Variants in NEMP1 observed in about 807,000 individuals in gnomAD.
NEMP1 encodes the protein transmembrane protein 194.
In NEMP1, 29 loss-of-function variants were observed where a neutral mutation model predicts 53.7. The ratio of observed to expected loss-of-function variants is 0.54; its 90% CI spans 0.40 to 0.74. The LOEUF is 0.74. Among genes scored for constraint, NEMP1 ranks in the 30% least tolerant of loss-of-function variants. The pLI is 0.00. For synonymous variants in NEMP1, 193 were observed against 192.9 expected (o/e 1.00, Z 0.00); for missense variants, 477 against 528.6 (o/e 0.90, Z 0.96).
intron 1 of NEMP1, among the ~76,000 whole-genome samples, chr12:57,084,024 G>A (rs1300492238): frequency 3.3e-5 from 5 of 151,568 alleles, no homozygotes; most frequent in Non-Finnish European, 5.9e-5. Context: ...GTGCGATGGC[G>A]CGATCTCGGC....
chr12:57,086,452 A>G (rs889961230), intron 1 of NEMP1, among the ~76,000 whole-genome samples: 3 of 152,180 alleles, frequency 2.0e-5, no homozygotes, highest in Non-Finnish European at 4.4e-5. Flanking sequence ...CCAAGGGGAC[A>G]CAGGGGAGAA....
intron 1 of NEMP1, among the ~76,000 whole-genome samples, chr12:57,077,764 A>G (rs2032701565): frequency 1.3e-5 from 2 of 152,116 alleles, no homozygotes; most frequent in Non-Finnish European, 2.9e-5. Flanking sequence ...ACTTAATTGT[A>G]CCTTGCCAAA....
In NEMP1 at chr12:57,058,832, A is replaced by G. The variant is rs2031655467; in HGVS notation, c.*1047T>C. On this transcript the variant is annotated 3_prime_UTR_variant, in exon 9 of 9. Coordinates refer to ENST00000300128, the MANE Select transcript of NEMP1 (RefSeq NM_001130963.2). ...AGAAAAGGCTGAAAGGAATGGACAG[A>G]GCATGTAGACAAAGGAAGGGAAAGG... 2.6e-5 allele frequency: 4 copies of G among 152,250 alleles called. No individual in the cohort carries two copies. The South Asian group carries it at 8.3e-4, about 32-fold the overall frequency. The allele number at this position is 152,250 out of a possible 1,614,324, so 9.4% of individuals were successfully genotyped here. A position where few individuals can be genotyped will look rare whatever the true frequency, so the allele number is the denominator to read the frequency against.
chr12:57,080,680 C>A (rs1162019830), upstream of NEMP1, among the ~76,000 whole-genome samples: 1 of 151,606 alleles, frequency 6.6e-6, no homozygotes, highest in Non-Finnish European at 1.5e-5. Context: ...CACTTGAGGC[C>A]AGAAGTTCGA....
chr12:57,068,316 T>A (rs1468708201), intron 4 of NEMP1, among the ~76,000 whole-genome samples: 1 of 152,116 alleles, frequency 6.6e-6, no homozygotes, highest in Non-Finnish European at 1.5e-5. Context: ...CTGTCTTAAC[T>A]AGTAGGTTCC....
chr12:57,064,263 AT>A (rs947155137), intron 5 of NEMP1, 78 bp from the exon 6 acceptor site: 792 of 842,490 alleles, frequency 9.4e-4, no homozygotes, highest in South Asian at 1.0e-3. Context: ...TGGAACTATG[AT>A]TTTTTTTTTA....
rs1219501029 is a variant in NEMP1 at position 57,056,869 on chromosome 12, T to C, written c.*3010A>G. The C allele has an allele frequency of 1.3e-5, 2 of 152,140 alleles. No homozygotes were observed. Among genetic ancestry groups the C allele is most frequent in the African/African-American group, 2.4e-5 (1 of 41,424 alleles). 9.4% of individuals were successfully genotyped at this position (152,140 alleles called of 1,614,324 possible). A position where few individuals can be genotyped will look rare whatever the true frequency, so the allele number is the denominator to read the frequency against. Reference sequence around the variant, plus strand: ...GGCTGGGCCCTAGAATGGAATCTATTAGCATAAAATGGAACAGTGGGACCC... The same window carrying C: ...GGCTGGGCCCTAGAATGGAATCTATCAGCATAAAATGGAACAGTGGGACCC... On this transcript the variant is annotated 3_prime_UTR_variant, in exon 9 of 9. Coordinates refer to ENST00000300128, the MANE Select transcript of NEMP1 (RefSeq NM_001130963.2).
rs1234538310 is a variant in NEMP1, at chr12:57,058,880, T to G, written c.*999A>C. 1 of 152,196 alleles carries G rather than the reference T, an allele frequency of 6.6e-6. No homozygotes were observed. The highest frequency in any genetic ancestry group is 1.9e-4 in the East Asian group (1 of 5,202). The allele number at this position is 152,196 out of a possible 1,614,324, so 9.4% of individuals were successfully genotyped here. A position where few individuals can be genotyped will look rare whatever the true frequency, so the allele number is the denominator to read the frequency against. On this transcript the variant is annotated 3_prime_UTR_variant, in exon 9 of 9. Coordinates refer to ENST00000300128, the MANE Select transcript of NEMP1 (RefSeq NM_001130963.2). ...AGGAAAAGGAGACAGTTTCCTGATT[T>G]CATAGCAACTCAAAGATAACATGAC... is the stretch of plus-strand genomic sequence containing the variant.
At chr12:57,062,595 C>G (rs1159517068) in intron 7 of NEMP1, among the ~76,000 whole-genome samples, 1 of 152,026 alleles carries the variant, frequency 6.6e-6, no homozygotes, top group Non-Finnish European at 1.5e-5. Context: ...AATCCAAGCA[C>G]TTTGGGAGCT....
At chr12:57,072,129 C>T (rs1473146897) in intron 2 of NEMP1, among the ~76,000 whole-genome samples, 1 of 152,142 alleles carries the variant, frequency 6.6e-6, no homozygotes, top group African/African-American at 2.4e-5. Context: ...CCAAAGAAGG[C>T]ATAAGGCCTT....
At chr12:57,068,752 G>A (rs2032211206) in intron 4 of NEMP1, among the ~76,000 whole-genome samples, 1 of 152,168 alleles carries the variant, frequency 6.6e-6, no homozygotes, top group Non-Finnish European at 1.5e-5. Context: ...ATTTTCAGTA[G>A]AGATGGGGTT....
chr12:57,066,610 G>T (rs2032088902), intron 4 of NEMP1, among the ~76,000 whole-genome samples: 1 of 152,212 alleles, frequency 6.6e-6, no homozygotes, highest in Non-Finnish European at 1.5e-5. Context: ...GGAGGCCCAA[G>T]AAGAAGGGAG....
Position 57,057,992 on chromosome 12 carries a change from G to C in NEMP1, c.*1887C>G, listed in dbSNP as rs1252894744. The C allele has an allele frequency of 4.6e-5, 7 of 152,156 alleles. No individual in the cohort carries two copies. The highest frequency in any genetic ancestry group is 1.7e-4 in the African/African-American group (7 of 41,422). The allele number at this position is 152,156 out of a possible 1,614,324, so 9.4% of individuals were successfully genotyped here. ...ATAAGGTAAAAAATAGTATATTTCA[G>C]AAGTTTTAATAGTTCTTTGTAGAGA... On this transcript the variant is annotated 3_prime_UTR_variant, in exon 9 of 9. Coordinates refer to ENST00000300128, the MANE Select transcript of NEMP1 (RefSeq NM_001130963.2).
upstream of NEMP1, among the ~76,000 whole-genome samples, chr12:57,080,018 G>A (rs1283137170): frequency 6.6e-6 from 1 of 152,108 alleles, no homozygotes; most frequent in African/African-American, 2.4e-5. Flanking sequence ...GGAATGCAGT[G>A]GTGTAACCAC....
chr12:57,063,221 T>C lies in NEMP1; in HGVS notation c.878A>G (p.Tyr293Cys). 6.2e-7 allele frequency: 1 copy of C among 1,614,198 alleles called. No individual in the cohort carries two copies. The highest frequency in any genetic ancestry group is 1.3e-5 in the African/African-American group (1 of 75,062). The change falls in exon 7 of 9, where the codon TAT (tyrosine) becomes TGT (cysteine). Residue 293 changes from tyrosine (Y) to cysteine (C), a missense_variant. By Grantham distance (194) the Tyr-to-Cys change is radical (BLOSUM62 -2). Coordinates refer to ENST00000300128, the MANE Select transcript of NEMP1 (RefSeq NM_001130963.2). ...AATATGTGGTATCTGGATGCCAGAA[T>C]ACATGAAACACAGGCCCATCAGCTG... is the stretch of plus-strand genomic sequence containing the variant. Reference protein sequence around the residue: ...TLQLMGLCFMYSGIQIPHIAL... With the variant: ...TLQLMGLCFMCSGIQIPHIAL...
intron 2 of NEMP1, among the ~76,000 whole-genome samples, chr12:57,071,180 G>C (rs2136505211): frequency 1.3e-5 from 2 of 152,274 alleles, no homozygotes; most frequent in South Asian, 4.1e-4. Context: ...AACTGAAAGA[G>C]TTATCAATAC....
chr12:57,071,824 C>CAA (rs755400940), intron 2 of NEMP1, among the ~76,000 whole-genome samples: 2 of 126,886 alleles, frequency 1.6e-5, no homozygotes. Flanking sequence ...GACTCCGTCT[C>CAA]AAAAAAAAAA....
chr12:57,070,533 A>G (rs17119416), intron 3 of NEMP1, 141 bp downstream of exon 3: 61,221 of 667,184 alleles, frequency 0.092, 3,008 homozygotes, highest in East Asian at 0.14. Flanking sequence ...TGAACTGTTT[A>G]GAGCAGTGGT....
In NEMP1 at chr12:57,064,199, T is replaced by G; in HGVS notation, c.640-14A>C. 6.5e-7 allele frequency: 1 copy of G among 1,537,780 alleles called. No homozygotes were observed. Among genetic ancestry groups the G allele is most frequent in the Non-Finnish European group, 8.8e-7 (1 of 1,134,320 alleles). On this transcript the variant is annotated splice_polypyrimidine_tract_variant and intron_variant, in intron 5 of 8. Transcript: ENST00000300128. ...AATGGGACTTTTCTAAGACAGAGAG[T>G]AGAAGTGAAAGCAAAAAGTTACAAC...
Sources: gnomAD v4.1 joint callset for allele counts (sites outside exome capture counted in the v4.1 genomes callset) on GRCh38, gnomAD v4.1.1 for gene constraint, MANE v1.5 for transcripts, NCBI Gene and HGNC (gene_info 2026-07-23, HGNC 2026-07-21) for gene names.